Variants in FAM131B observed in about 807,000 individuals in gnomAD.
FAM131B encodes the protein family with sequence similarity 131 member B.
In FAM131B, 19 loss-of-function variants were observed where a neutral mutation model predicts 42.0. That is an observed-to-expected ratio of 0.45 (90% CI 0.32 to 0.66). FAM131B has a LOEUF of 0.66. Among genes scored for constraint, FAM131B ranks in the 30% least tolerant of loss-of-function variants. FAM131B has a pLI of 0.05. For synonymous variants in FAM131B, 183 were observed against 177.6 expected (o/e 1.03, Z -0.24); for missense variants, 370 against 468.4 (o/e 0.79, Z 1.94).
chr7:143,374,780 T>C, the FAM131B span, among the ~76,000 whole-genome samples: 1 of 152,170 alleles, frequency 6.6e-6, no homozygotes, highest in African/African-American at 2.4e-5. Context: ...TCCTTTTGCA[T>C]GGAATATTCC....
In FAM131B at chr7:143,356,466, G is replaced by A; in HGVS notation, c.*84C>T. The stretch of plus-strand genomic sequence containing the variant: ...CCCCAATGTTGTCTGCCCAGTTTCA[G>A]CTGTACTGCTGGGGGGAGGGAGGGT... On this transcript the variant is annotated 3_prime_UTR_variant, in exon 7 of 7. Transcript: ENST00000443739. The surrounding 1 kb of genome is among the most constrained non-coding windows in gnomAD (Gnocchi z 4.4). 1 of 1,021,680 alleles carries A rather than the reference G, an allele frequency of 9.8e-7. No homozygotes were observed. The highest frequency in any genetic ancestry group is 1.5e-6 in the Non-Finnish European group (1 of 672,322). 63.3% of individuals were successfully genotyped at this position (1,021,680 alleles called of 1,614,324 possible).
Position 143,356,629 on chromosome 7 carries a change from G to T in FAM131B, c.1004C>A (p.Ala335Asp). 1 of 1,614,092 alleles carries T rather than the reference G, an allele frequency of 6.2e-7. No homozygotes were observed. The highest frequency in any genetic ancestry group is 8.5e-7 in the Non-Finnish European group (1 of 1,180,018). The change falls in exon 7 of 7, where the codon GCT (alanine) becomes GAT (aspartate). Residue 335 changes from alanine (A) to aspartate (D), a missense_variant. Transcript: ENST00000443739. This position sits in a 1 kb window ranked among gnomAD's most constrained non-coding sequence, Gnocchi z 4.4. ...SPREDPEMSTALSRKVSDVTS... is the reference protein window; with the variant it reads ...SPREDPEMSTDLSRKVSDVTS... The stretch of plus-strand genomic sequence containing the variant: ...GACGTCAGACACCTTCCGGCTGAGA[G>T]CGGTAGACATCTCAGGGTCTTCTCG...
At chr7:143,366,201 T>A (rs1163218950), upstream of FAM131B, among the ~76,000 whole-genome samples, 2 of 152,258 alleles carry the variant, frequency 1.3e-5, no homozygotes, top group African/African-American at 2.4e-5. Flanking sequence ...TGTCTTTTTT[T>A]AATTAAGGTG....
chr7:143,360,198 C>G, intron 1 of FAM131B, 49 bp from the exon 2 acceptor site: 2 of 1,559,624 alleles, frequency 1.3e-6, no homozygotes, highest in East Asian at 2.4e-5. Context: ...CCTGTGCAGC[C>G]GAGGCGACAC....
the FAM131B span, among the ~76,000 whole-genome samples, chr7:143,369,415 C>T: frequency 1.3e-5 from 2 of 152,186 alleles, no homozygotes; most frequent in African/African-American, 4.8e-5. Flanking sequence ...TGGCTCACGC[C>T]TGTAATCCCA....
the FAM131B span, chr7:143,380,528 T>C: frequency 1.0e-6 from 1 of 985,456 alleles, no homozygotes; most frequent in Non-Finnish European, 1.2e-6. The surrounding 1 kb of genome is among the most constrained non-coding windows in gnomAD (Gnocchi z 5.0). Context: ...GGGTCTCCAG[T>C]CCGCAGGCGG....
chr7:143,376,320 C>A, the FAM131B span, among the ~76,000 whole-genome samples: 2 of 152,116 alleles, frequency 1.3e-5, no homozygotes, highest in African/African-American at 4.8e-5. Context: ...GTATTTTCCC[C>A]CCAGATGGAG....
At chr7:143,380,265 C>G in the FAM131B span, 68 of 984,254 alleles carry the variant, frequency 6.9e-5, no homozygotes, top group Non-Finnish European at 7.8e-5. This position sits in a 1 kb window ranked among gnomAD's most constrained non-coding sequence, Gnocchi z 5.0. Flanking sequence ...AGAAGAATTA[C>G]CCAGGTCTGG....
At chr7:143,378,994 A>G in the FAM131B span, among the ~76,000 whole-genome samples, 161 of 152,342 alleles carry the variant, frequency 1.1e-3, no homozygotes, top group African/African-American at 3.5e-3. Context: ...GGCTGGCTTA[A>G]AAGTCTTTGT....
At chr7:143,361,202 C>G (rs544343123) in intron 1 of FAM131B, 2 of 152,534 alleles carry the variant, frequency 1.3e-5, no homozygotes, top group Non-Finnish European at 2.9e-5. Flanking sequence ...TGTGGTGAAC[C>G]GGACTGAGGA....
At chr7:143,366,009 C>A (rs542022553), upstream of FAM131B, among the ~76,000 whole-genome samples, 21 of 152,310 alleles carry the variant, frequency 1.4e-4, no homozygotes, top group Non-Finnish European at 2.5e-4. Context: ...GCCACAGGAT[C>A]CCAAAGTCCT....
At chr7:143,376,544 G>C in the FAM131B span, among the ~76,000 whole-genome samples, 1 of 152,202 alleles carries the variant, frequency 6.6e-6, no homozygotes, top group Non-Finnish European at 1.5e-5. Flanking sequence ...TCTCTTGGGG[G>C]AGTGGCCCTT....
the FAM131B span, chr7:143,379,678 A>C: frequency 6.6e-6 from 1 of 152,218 alleles, no homozygotes; most frequent in Admixed American, 6.5e-5. Context: ...AATAATACTG[A>C]GTCATATAGC....
rs553706148 is a variant in FAM131B at position 143,359,002 on chromosome 7, G to T, written c.291C>A (p.Asp97Glu). ...SFSGISRSMK[D>E]HVTKPTAMGQ... The stretch of plus-strand genomic sequence containing the variant: ...CCATGGCTGTGGGCTTTGTCACATG[G>T]TCCTTCATGCTCCGTGAGATCCCTA... Residue 97 changes from aspartate (D) to glutamate (E), a missense_variant, in exon 5 of 7, where the codon GAC becomes GAA. By Grantham distance (45) the Asp-to-Glu change is conservative. Coordinates refer to ENST00000443739, the MANE Select transcript of FAM131B (RefSeq NM_001031690.3). The surrounding 1 kb of genome is among the most constrained non-coding windows in gnomAD (Gnocchi z 5.4). The T allele has an allele frequency of 1.2e-6, 2 of 1,613,858 alleles. No homozygotes were observed. The highest frequency in any genetic ancestry group is 4.5e-5 in the East Asian group (2 of 44,872).
At chr7:143,363,642 A>G (rs1804099835), upstream of FAM131B, among the ~76,000 whole-genome samples, 2 of 152,186 alleles carry the variant, frequency 1.3e-5, no homozygotes, top group South Asian at 4.1e-4. Context: ...ACAGCAGGTA[A>G]GAAGTGGAGT....
rs756420315 is a variant in FAM131B at position 143,359,422 on chromosome 7, G to A, written c.175-3C>T. On this transcript the variant is annotated splice_polypyrimidine_tract_variant and splice_region_variant and intron_variant, in intron 3 of 6. Transcript: ENST00000443739. This position sits in a 1 kb window ranked among gnomAD's most constrained non-coding sequence, Gnocchi z 5.4. Reference sequence around the variant, plus strand: ...GAAGTGGTGTCCTCCATGGAGAGCTGGGATGGGAATGTGGGAGGAAGGGCA... The same window carrying A: ...GAAGTGGTGTCCTCCATGGAGAGCTAGGATGGGAATGTGGGAGGAAGGGCA... The A allele has an allele frequency of 3.7e-6, 6 of 1,610,958 alleles. No individual in the cohort carries two copies. The highest frequency in any genetic ancestry group is 2.2e-5 in the East Asian group (1 of 44,860).
At position 143,359,776 on chromosome 7, in the gene FAM131B, A is replaced by C. The variant is rs1283445832; in HGVS notation, c.139-9T>G. On this transcript the variant is annotated splice_polypyrimidine_tract_variant and intron_variant, in intron 2 of 6. Coordinates refer to ENST00000443739, the MANE Select transcript of FAM131B (RefSeq NM_001031690.3). This position sits in a 1 kb window ranked among gnomAD's most constrained non-coding sequence, Gnocchi z 5.4. ...AAATCAGTTCGAGTTTGCTGTGAGG[A>C]GAGAGGAAAGGGAATGGGCATCCCA... 6.4e-7 allele frequency: 1 copy of C among 1,563,888 alleles called. No individual in the cohort carries two copies. Among genetic ancestry groups the C allele is most frequent in the Non-Finnish European group, 8.7e-7 (1 of 1,154,024 alleles).
upstream of FAM131B, chr7:143,362,765 TCGCCGCCGCCGCCGCCGC>T (rs559900593): frequency 8.0e-5 from 19 of 237,734 alleles, 1 homozygote; most frequent in African/African-American, 3.4e-4. This position sits in a 1 kb window ranked among gnomAD's most constrained non-coding sequence, Gnocchi z 7.7. Context: ...GGCAGCTCCG[TCGCCGCCGCCGCCGCCGC>T]CGCCGCCGCC....
the FAM131B span, among the ~76,000 whole-genome samples, chr7:143,369,630 G>A: frequency 7.0e-6 from 1 of 142,350 alleles, no homozygotes; most frequent in African/African-American, 2.7e-5. Flanking sequence ...AGCTGAGATC[G>A]CACCACTGCA....
Sources: allele counts gnomAD v4.1 joint callset (sites outside exome capture counted in the v4.1 genomes callset), GRCh38; gene constraint gnomAD v4.1.1; non-coding constraint Gnocchi (gnomAD v3.1); transcripts MANE v1.5; gene names NCBI Gene and HGNC (gene_info 2026-07-23, HGNC 2026-07-21).